Variants in CNTNAP2 observed in about 807,000 individuals in gnomAD.
CNTNAP2 encodes contactin associated protein 2, also known as contactin-associated protein-like 2.
In CNTNAP2, 98 loss-of-function variants were observed where a neutral mutation model predicts 155.2. That is an observed-to-expected ratio of 0.63 (90% CI 0.54 to 0.75). The LOEUF is 0.75. CNTNAP2 is among the 30% of genes least tolerant of loss of function. CNTNAP2 has a pLI of 0.00. For missense variants in CNTNAP2, 1,727 were observed against 1,688.1 expected (o/e 1.02, Z -0.40); for synonymous variants, 651 against 631.2 (o/e 1.03, Z -0.47).
intron 1 of CNTNAP2, among the ~76,000 whole-genome samples, chr7:146,615,101 T>C (rs937271342): frequency 3.9e-5 from 6 of 152,222 alleles, no homozygotes; most frequent in African/African-American, 1.2e-4. Flanking sequence ...GTTGACCCTT[T>C]GCTAAATAAT....
At chr7:147,633,542 G>A (rs74319885) in intron 12 of CNTNAP2, among the ~76,000 whole-genome samples, 10,571 of 152,112 alleles carry the variant, frequency 0.069, 1,015 homozygotes, top group African/African-American at 0.19. Context: ...TTTGGGAGGG[G>A]CCAGGAGAAG....
intron 15 of CNTNAP2, among the ~76,000 whole-genome samples, chr7:148,104,757 C>T (rs1214103634): frequency 6.6e-6 from 1 of 152,148 alleles, no homozygotes; most frequent in Admixed American, 6.5e-5. Flanking sequence ...CACCTGAGGA[C>T]CCGGTGAAGA....
At chr7:146,761,998 G>A (rs1434615763) in intron 1 of CNTNAP2, among the ~76,000 whole-genome samples, 1 of 152,064 alleles carries the variant, frequency 6.6e-6, no homozygotes, top group African/African-American at 2.4e-5. Flanking sequence ...CAGATTAACA[G>A]AAATTAAAAT....
At chr7:146,933,163 C>A (rs1009299728) in intron 3 of CNTNAP2, among the ~76,000 whole-genome samples, 12 of 151,790 alleles carry the variant, frequency 7.9e-5, no homozygotes, top group Non-Finnish European at 1.3e-4. Flanking sequence ...AAGCTGGAGG[C>A]ATCACGCTAC....
intron 1 of CNTNAP2, among the ~76,000 whole-genome samples, chr7:146,154,981 A>T (rs1798102883): frequency 2.0e-5 from 3 of 152,202 alleles, no homozygotes; most frequent in South Asian, 2.1e-4. Context: ...CATATTGTTC[A>T]TAAGAACAGG....
chr7:148,000,887 T>A (rs1434077700), intron 15 of CNTNAP2, among the ~76,000 whole-genome samples: 4 of 152,206 alleles, frequency 2.6e-5, no homozygotes, highest in African/African-American at 4.8e-5. Flanking sequence ...CAGGGCCACA[T>A]CCCTCTGAAG....
At chr7:146,954,424 C>T (rs192779225) in intron 3 of CNTNAP2, among the ~76,000 whole-genome samples, 3 of 151,918 alleles carry the variant, frequency 2.0e-5, no homozygotes, top group African/African-American at 7.2e-5. Context: ...TTTCAGTTCA[C>T]TGAAGGAAGC....
chr7:146,701,892 A>T lies in CNTNAP2; in HGVS notation c.98-72379A>T, dbSNP rs142228292. ...AACTTCTGTGGACAAAACATAGGCT[A>T]TGCTTGTGATTCAATTAGAAAAGTA... On this transcript the variant is annotated intron_variant, in intron 1 of 23. Coordinates refer to ENST00000361727, the MANE Select transcript of CNTNAP2 (RefSeq NM_014141.6). 6.6e-5 allele frequency among the ~76,000 whole-genome samples: 10 copies of T among 152,304 alleles called. No homozygotes were observed. The East Asian group carries it at 1.9e-3, about 29-fold the overall frequency.
chr7:147,225,985 GAGAA>G (rs141223209), intron 8 of CNTNAP2, among the ~76,000 whole-genome samples: 2,108 of 151,088 alleles, frequency 0.014, 43 homozygotes, highest in African/African-American at 0.042. Flanking sequence ...GAAAGAAAGA[GAGAA>G]AGAAAGAAAG....
intron 1 of CNTNAP2, among the ~76,000 whole-genome samples, chr7:146,454,151 T>TCATTCAATTGTCACTATGTATGC (rs2129122969): frequency 6.6e-6 from 1 of 152,310 alleles, no homozygotes; most frequent in South Asian, 2.1e-4. Context: ...TGAATGTAGT[T>TCATTCAATTGTCACTATGTATGC]CAACATAGTG....
intron 11 of CNTNAP2, among the ~76,000 whole-genome samples, chr7:147,541,842 G>A (rs908699724): frequency 2.6e-5 from 4 of 152,224 alleles, no homozygotes; most frequent in Admixed American, 6.5e-5. Context: ...TTATATATGT[G>A]CCCCACTTAA....
rs36064860 is a variant in CNTNAP2, at chr7:147,511,459, ATT to A, written c.1777+25429_1777+25430del. Among the ~76,000 whole-genome samples, 227 of 146,956 alleles carry A rather than the reference ATT, an allele frequency of 1.5e-3. 2 individuals are homozygous for A. The highest frequency in any genetic ancestry group is 5.4e-3 in the African/African-American group (216 of 39,966). Reference sequence around the variant, plus strand: ...AAAGCTAATTATCCTTTAAAACAACATTTTTTTTTTTTGCATTTTGCAATAAA... The same window carrying A: ...AAAGCTAATTATCCTTTAAAACAACATTTTTTTTTTGCATTTTGCAATAAA... On this transcript the variant is annotated intron_variant, in intron 11 of 23. Coordinates refer to ENST00000361727, the MANE Select transcript of CNTNAP2 (RefSeq NM_014141.6).
chr7:147,975,266 T>A (rs1158062436), intron 14 of CNTNAP2, among the ~76,000 whole-genome samples: 1 of 152,094 alleles, frequency 6.6e-6, no homozygotes, highest in Non-Finnish European at 1.5e-5. Context: ...TCATCTATGA[T>A]GACAGTAGAC....
At chr7:146,750,995 C>A (rs1198625533) in intron 1 of CNTNAP2, among the ~76,000 whole-genome samples, 1 of 151,964 alleles carries the variant, frequency 6.6e-6, no homozygotes, top group African/African-American at 2.4e-5. Context: ...AACATGTTTT[C>A]TAATAAGAGG....
chr7:148,176,049 A>C (rs1421721842), intron 18 of CNTNAP2, among the ~76,000 whole-genome samples: 1 of 152,004 alleles, frequency 6.6e-6, no homozygotes, highest in Non-Finnish European at 1.5e-5. Context: ...ACTTTGTTGA[A>C]CTAGGAAGAC....
chr7:146,932,408 A>C (rs1796784382), intron 3 of CNTNAP2, among the ~76,000 whole-genome samples: 1 of 151,806 alleles, frequency 6.6e-6, no homozygotes, highest in Admixed American at 6.6e-5. Context: ...AAAAACTCTC[A>C]ATAAATTAGG....
At chr7:148,080,604 CA>C (rs199500286) in intron 15 of CNTNAP2, among the ~76,000 whole-genome samples, 211 of 69,732 alleles carry the variant, frequency 3.0e-3, no homozygotes, top group East Asian at 0.01. Context: ...GACTCCATCT[CA>C]AAAAAAAAAA....
chr7:146,384,577 A>T (rs1287270063), intron 1 of CNTNAP2, among the ~76,000 whole-genome samples: 1 of 152,194 alleles, frequency 6.6e-6, no homozygotes, highest in Admixed American at 6.5e-5. Context: ...ATAAACCAAA[A>T]GGTATTTGTT....
At chr7:147,339,657 C>A (rs576184628) in intron 9 of CNTNAP2, among the ~76,000 whole-genome samples, 4 of 151,944 alleles carry the variant, frequency 2.6e-5, no homozygotes, top group Non-Finnish European at 4.4e-5. Flanking sequence ...ATTAAATATT[C>A]TGTGTATACA....
Sources: allele counts gnomAD v4.1 joint callset (sites outside exome capture counted in the v4.1 genomes callset), GRCh38; gene constraint gnomAD v4.1.1; transcripts MANE v1.5; gene names NCBI Gene and HGNC (gene_info 2026-07-23, HGNC 2026-07-21).